The following ANKRD24 variants were observed in gnomAD, a reference collection of about 807,000 sequenced individuals.
The protein encoded by ANKRD24 is ankyrin repeat domain-containing protein 24.
Under a neutral mutation model 127.8 loss-of-function variants are expected in ANKRD24, and 109 were observed. The ratio of observed to expected loss-of-function variants is 0.85; its 90% CI spans 0.73 to 1.00. The LOEUF is 1.00. Among genes scored for constraint, ANKRD24 ranks in the 50% least tolerant of loss-of-function variants. The probability of loss-of-function intolerance (pLI) is 0.00; values close to 1 mark genes in which losing one functional copy is unlikely to be tolerated. For synonymous variants in ANKRD24, 743 were observed against 671.1 expected (o/e 1.11, Z -1.66); for missense variants, 1,648 against 1,570.2 (o/e 1.05, Z -0.84).
At position 4,217,683 on chromosome 19, in the gene ANKRD24, G is replaced by A; in HGVS notation, c.2523G>A (p.Glu841=). Reference sequence around the variant, plus strand: ...GGGCCGAGCTGGCCCAGCGGGAGGAGGCGCGGCTGGAGCAGAGCCGGGAGC... The same window carrying A: ...GGGCCGAGCTGGCCCAGCGGGAGGAAGCGCGGCTGGAGCAGAGCCGGGAGC... ...GLRAELAQRE[E]ARLEQSRELE... is the part of the protein sequence containing the mutation. Residue 841 remains glutamate (E), a synonymous_variant, in exon 18 of 22, where the codon GAG becomes GAA. Transcript: ENST00000318934. 7.8e-7 allele frequency: 1 copy of A among 1,287,118 alleles called. No homozygotes were observed. Among genetic ancestry groups the A allele is most frequent in the East Asian group, 3.3e-5 (1 of 29,918 alleles). 79.7% of individuals were successfully genotyped at this position (1,287,118 alleles called of 1,614,324 possible). A position where few individuals can be genotyped will look rare whatever the true frequency, so the allele number is the denominator to read the frequency against.
At chr19:4,222,551 C>G (rs1970497246) in intron 19 of ANKRD24, 119 bp from the exon 20 acceptor site, 2 of 1,273,096 alleles carry the variant, frequency 1.6e-6, no homozygotes, top group Non-Finnish European at 1.0e-6. Context: ...TTTGCTAACC[C>G]CAGGGACGGG....
At chr19:4,223,928 G>A (rs1970599579) in intron 20 of ANKRD24, among the ~76,000 whole-genome samples, 199 bp from the exon 21 acceptor site, 1 of 151,928 alleles carries the variant, frequency 6.6e-6, no homozygotes, top group Non-Finnish European at 1.5e-5. Flanking sequence ...TTGAACTCCT[G>A]ACCTCAAGTG....
At chr19:4,213,245 CCTT>C (rs1969855564) in intron 15 of ANKRD24, among the ~76,000 whole-genome samples, 1 of 93,144 alleles carries the variant, frequency 1.1e-5, no homozygotes, top group African/African-American at 4.4e-5. Context: ...CTCCCTCCTT[CCTT>C]CCTTTCCTTC....
intron 2 of ANKRD24, among the ~76,000 whole-genome samples, chr19:4,192,380 A>AT (rs142246284): frequency 0.17 from 22,970 of 132,500 alleles, 1,896 homozygotes; most frequent in South Asian, 0.27. Flanking sequence ...TTAAGTATGC[A>AT]TTTTTTTTTT....
chr19:4,184,997 T>C (rs1389157294), intron 1 of ANKRD24, among the ~76,000 whole-genome samples: 1 of 135,372 alleles, frequency 7.4e-6, no homozygotes, highest in Non-Finnish European at 1.6e-5. Flanking sequence ...GATGGATGGA[T>C]TGGTGGTTGG....
intron 13 of ANKRD24, 134 bp from the exon 14 acceptor site, chr19:4,212,341 G>T: frequency 9.9e-7 from 1 of 1,012,170 alleles, no homozygotes; most frequent in Non-Finnish European, 1.4e-6. Flanking sequence ...GAGTGAGCGG[G>T]CAGAATTCAG....
chr19:4,193,834 C>T (rs1441608149), intron 2 of ANKRD24, among the ~76,000 whole-genome samples: 1 of 78,350 alleles, frequency 1.3e-5, no homozygotes, highest in Admixed American at 1.6e-4. Context: ...GAGACTCCGT[C>T]GGGAGGGAGG....
chr19:4,193,887 G>GGAAGGAAGGAAGGAAT (rs1968548970), intron 2 of ANKRD24, among the ~76,000 whole-genome samples: 1 of 147,784 alleles, frequency 6.8e-6, no homozygotes, highest in African/African-American at 2.5e-5. Context: ...AAGGAAGGAA[G>GGAAGGAAGGAAGGAAT]GAAGGAAAAA....
At chr19:4,204,455 ACTC>A (rs1385757192) in intron 7 of ANKRD24, among the ~76,000 whole-genome samples, 1 of 151,872 alleles carries the variant, frequency 6.6e-6, no homozygotes, top group Non-Finnish European at 1.5e-5. Context: ...AGTCGAATGT[ACTC>A]CTGGGCTTTG....
chr19:4,211,711 G>A (rs11880978), intron 13 of ANKRD24, among the ~76,000 whole-genome samples: 8,945 of 152,192 alleles, frequency 0.059, 896 homozygotes, highest in African/African-American at 0.2. Flanking sequence ...ATGGAACGGT[G>A]CCTGGCATAC....
Position 4,198,629 on chromosome 19 carries a change from T to C in ANKRD24, c.37-1054T>C. 2.5e-6 allele frequency: 1 copy of C among 397,234 alleles called. No homozygotes were observed. The highest frequency in any genetic ancestry group is 4.5e-6 in the Non-Finnish European group (1 of 223,732). 24.6% of individuals were successfully genotyped at this position (397,234 alleles called of 1,614,324 possible). ...CGGCTGACCTGGACCACCCCCCCAT[T>C]CCAGACCCGGGAAAGATGGTCGGCG... On this transcript the variant is annotated intron_variant, in intron 2 of 21. Transcript: ENST00000318934. The surrounding 1 kb of genome is among the most constrained non-coding windows in gnomAD (Gnocchi z 6.1).
At chr19:4,185,505 T>A (rs981962505) in intron 1 of ANKRD24, among the ~76,000 whole-genome samples, 2 of 152,014 alleles carry the variant, frequency 1.3e-5, no homozygotes, top group African/African-American at 4.8e-5. Context: ...CTTTCACACA[T>A]AGGGCCTCAC....
At position 4,195,705 on chromosome 19, in the gene ANKRD24, G is replaced by A. The variant is rs943270797; in HGVS notation, c.37-3978G>A. 1.3e-5 allele frequency among the ~76,000 whole-genome samples: 2 copies of A among 152,060 alleles called. No homozygotes were observed. Among genetic ancestry groups the A allele is most frequent in the African/African-American group, 4.8e-5 (2 of 41,422 alleles). On this transcript the variant is annotated intron_variant, in intron 2 of 21. Coordinates refer to ENST00000318934, the MANE Select transcript of ANKRD24 (RefSeq NM_001393985.1). The surrounding 1 kb of genome is among the most constrained non-coding windows in gnomAD (Gnocchi z 4.2). ...GAGGTCAGAGTTCAAGACCAGCCTG[G>A]CCAACATGACAAAACCCCGTCTCTA...
chr19:4,215,410 G>A (rs1274928665), intron 15 of ANKRD24, among the ~76,000 whole-genome samples: 2 of 151,222 alleles, frequency 1.3e-5, no homozygotes, highest in Non-Finnish European at 2.9e-5. Context: ...ACTTGAATCT[G>A]GGAGGCGAAG....
intron 7 of ANKRD24, among the ~76,000 whole-genome samples, chr19:4,205,362 C>A (rs754231667): frequency 5.3e-5 from 8 of 152,232 alleles, no homozygotes; most frequent in Non-Finnish European, 1.2e-4. Flanking sequence ...AGACATACAG[C>A]AGGTATTCAA....
Position 4,198,356 on chromosome 19 carries a change from G to T in ANKRD24, c.37-1327G>T, listed in dbSNP as rs535515997. 1 of 397,630 alleles carries T rather than the reference G, an allele frequency of 2.5e-6. No homozygotes were observed. Among genetic ancestry groups the T allele is most frequent in the South Asian group, 9.5e-5 (1 of 10,498 alleles). The allele number at this position is 397,630 out of a possible 1,614,324, so 24.6% of individuals were successfully genotyped here. On this transcript the variant is annotated intron_variant, in intron 2 of 21. Coordinates refer to ENST00000318934, the MANE Select transcript of ANKRD24 (RefSeq NM_001393985.1). This position sits in a 1 kb window ranked among gnomAD's most constrained non-coding sequence, Gnocchi z 6.1. ...GGGCGGCACCAGGGAGGGCGGGACC[G>T]GGCGGGCGGGCGGGGCGGGGAGCTC...
Position 4,224,164 on chromosome 19 carries a change from A to T in ANKRD24, c.3335A>T (p.Tyr1112Phe). ...GACCACTCCAGCGTGGTGGCTTTGT[A>T]CAGAAGCCACCTCCTATATGCCATT... ...ARDHSSVVAL[Y>F]RSHLLYAIQG... is the part of the protein sequence containing the mutation. Residue 1112 changes from tyrosine to phenylalanine, a missense_variant, in exon 21 of 22, where the codon TAC (tyrosine) becomes TTC (phenylalanine). Tyr to Phe is a conservative substitution (Grantham distance 22). Coordinates refer to ENST00000318934, the MANE Select transcript of ANKRD24 (RefSeq NM_001393985.1). 1 of 1,612,228 alleles carries T rather than the reference A, an allele frequency of 6.2e-7. No individual in the cohort carries two copies. Among genetic ancestry groups the T allele is most frequent in the Non-Finnish European group, 8.5e-7 (1 of 1,179,550 alleles).
intron 2 of ANKRD24, among the ~76,000 whole-genome samples, chr19:4,189,632 C>T (rs1412466961): frequency 3.3e-5 from 5 of 151,854 alleles, no homozygotes; most frequent in East Asian, 1.9e-4. Context: ...GAGATCCTCC[C>T]GCTTCAGCCA....
intron 20 of ANKRD24, among the ~76,000 whole-genome samples, chr19:4,223,391 ATATATATATAT>A (rs1410037281): frequency 4.7e-5 from 4 of 84,786 alleles, no homozygotes; most frequent in African/African-American, 2.7e-4. Flanking sequence ...ATATATATAT[ATATATATATAT>A]TTTTTTTTTT....
Sources: allele counts gnomAD v4.1 joint callset (sites outside exome capture counted in the v4.1 genomes callset), GRCh38; gene constraint gnomAD v4.1.1; non-coding constraint Gnocchi (gnomAD v3.1); transcripts MANE v1.5; gene names NCBI Gene and HGNC (gene_info 2026-07-23, HGNC 2026-07-21).